Variants in EPHA6 observed in about 807,000 individuals in gnomAD.
EPHA6 encodes ephrin type-A receptor 6.
EPHA6 carries 50 observed loss-of-function variants against 112.0 expected under a neutral mutation model. The observed-to-expected ratio is 0.45, with a 90% CI of 0.36 to 0.56. The LOEUF (loss-of-function observed/expected upper bound fraction) is 0.56, where lower values mean the gene tolerates loss of function less well. EPHA6 is among the 20% of genes least tolerant of loss of function. The pLI, the probability that EPHA6 is intolerant of heterozygous loss-of-function variation, is 0.00. For synonymous variants in EPHA6, 529 were observed against 490.7 expected, an observed-to-expected ratio of 1.08 and a Z score of -1.03; for missense variants, 1,280 against 1,417.4, an observed-to-expected ratio of 0.90 and a Z score of 1.56.
chr3:97,095,550 A>G (rs2047211102), intron 3 of EPHA6, among the ~76,000 whole-genome samples: 1 of 152,000 alleles, frequency 6.6e-6, no homozygotes, highest in African/African-American at 2.4e-5. Context: ...CCATTATTCA[A>G]ACACTCATCA....
intron 7 of EPHA6, among the ~76,000 whole-genome samples, chr3:97,449,321 A>T (rs535984427): frequency 6.6e-6 from 1 of 152,216 alleles, no homozygotes; most frequent in East Asian, 1.9e-4. Context: ...TTTACCAATG[A>T]ACTCTTTTTG....
chr3:97,583,763 C>T lies in EPHA6; in HGVS notation c.2387-8849C>T, dbSNP rs139218444. 6.9e-3 allele frequency among the ~76,000 whole-genome samples: 1,044 copies of T among 152,202 alleles called. 5 individuals carry two copies. Among genetic ancestry groups the T allele is most frequent in the African/African-American group, 0.023 (959 of 41,542 alleles). The stretch of plus-strand genomic sequence containing the variant: ...TGTCAATCAAAATCCCAGCAAGTTA[C>T]TTTGTGGATATCAACAAACTGACTA... On this transcript the variant is annotated intron_variant, in intron 11 of 17. Coordinates refer to ENST00000389672, the MANE Select transcript of EPHA6 (RefSeq NM_001080448.3).
At chr3:97,231,947 A>T (rs1253817042) in intron 4 of EPHA6, among the ~76,000 whole-genome samples, 1 of 152,156 alleles carries the variant, frequency 6.6e-6, no homozygotes, top group Non-Finnish European at 1.5e-5. Flanking sequence ...AAACAAATAA[A>T]GAAACTTCAG....
intron 5 of EPHA6, among the ~76,000 whole-genome samples, chr3:97,365,073 C>T (rs552018724): frequency 2.6e-5 from 4 of 152,086 alleles, no homozygotes; most frequent in Non-Finnish European, 5.9e-5. Context: ...ACTTGATATA[C>T]AGAATGCAAT....
intron 5 of EPHA6, among the ~76,000 whole-genome samples, chr3:97,403,025 T>TA (rs1335124406): frequency 6.6e-6 from 1 of 152,120 alleles, no homozygotes; most frequent in Admixed American, 6.6e-5. Flanking sequence ...ATTGGAAAGA[T>TA]ATAATGAGTT....
intron 14 of EPHA6, among the ~76,000 whole-genome samples, chr3:97,672,668 G>A (rs1463931848): frequency 1.3e-5 from 2 of 152,090 alleles, no homozygotes; most frequent in African/African-American, 2.4e-5. Flanking sequence ...GAAAAAAAGA[G>A]AGAAGGGAGA....
rs1034683864 is a variant in EPHA6, at chr3:97,654,836, A to G, written c.2784+16754A>G. On this transcript the variant is annotated intron_variant, in intron 14 of 17. Coordinates refer to ENST00000389672, the MANE Select transcript of EPHA6 (RefSeq NM_001080448.3). ...TGGAAAAGAGTAGAAATTATATTCT[A>G]TCTACAAAAGGAAGCCACTGGAAAA... Among the ~76,000 whole-genome samples, 8 of 151,918 alleles carry G rather than the reference A, an allele frequency of 5.3e-5. No individual in the cohort carries two copies. In the East Asian group the frequency reaches 1.2e-3, roughly 22 times the overall value.
At chr3:97,721,387 T>C (rs1162706113) in intron 15 of EPHA6, among the ~76,000 whole-genome samples, 1 of 152,200 alleles carries the variant, frequency 6.6e-6, no homozygotes, top group East Asian at 1.9e-4. Context: ...CCTTTTCTAA[T>C]GTCAGGCATA....
intron 6 of EPHA6, among the ~76,000 whole-genome samples, chr3:97,434,230 C>T (rs978365196): frequency 6.6e-6 from 1 of 152,094 alleles, no homozygotes; most frequent in South Asian, 2.1e-4. Context: ...AGCTAGACTT[C>T]CTAGGTTCAA....
intron 15 of EPHA6, among the ~76,000 whole-genome samples, chr3:97,723,748 C>T (rs1271374783): frequency 6.6e-6 from 1 of 152,076 alleles, no homozygotes; most frequent in Non-Finnish European, 1.5e-5. Context: ...CAATTCAAGA[C>T]TACAGGAAAA....
intron 3 of EPHA6, among the ~76,000 whole-genome samples, chr3:96,997,681 A>T (rs545827548): frequency 6.6e-6 from 1 of 152,170 alleles, no homozygotes; most frequent in East Asian, 1.9e-4. Context: ...AAAGTAACAT[A>T]AAAAATCATT....
chr3:96,871,903 G>A (rs925102315), intron 2 of EPHA6, among the ~76,000 whole-genome samples: 1 of 152,048 alleles, frequency 6.6e-6, no homozygotes, highest in African/African-American at 2.4e-5. Context: ...TGAGATTTCA[G>A]TGTGGTAACG....
intron 3 of EPHA6, among the ~76,000 whole-genome samples, chr3:96,996,376 A>G (rs2043423323): frequency 1.3e-5 from 2 of 152,070 alleles, no homozygotes; most frequent in African/African-American, 2.4e-5. Flanking sequence ...TCTTAATGGT[A>G]TCTAGAGTGT....
intron 3 of EPHA6, among the ~76,000 whole-genome samples, chr3:97,095,812 C>T (rs2047219637): frequency 1.3e-5 from 2 of 151,872 alleles, no homozygotes; most frequent in African/African-American, 4.8e-5. Context: ...TGAATTCCAT[C>T]CTGGAGTTTT....
chr3:97,326,650 G>A (rs765959100), intron 5 of EPHA6, among the ~76,000 whole-genome samples: 27 of 152,008 alleles, frequency 1.8e-4, no homozygotes, highest in Non-Finnish European at 3.5e-4. Context: ...AGAAGTTTCA[G>A]CGTTTTAGGT....
At chr3:97,200,843 A>G (rs1270377567) in intron 3 of EPHA6, among the ~76,000 whole-genome samples, 2 of 152,160 alleles carry the variant, frequency 1.3e-5, no homozygotes, top group East Asian at 1.9e-4. Flanking sequence ...TACAAGGCCA[A>G]TGTGGACATA....
intron 14 of EPHA6, among the ~76,000 whole-genome samples, chr3:97,688,661 A>C (rs2032434164): frequency 6.6e-6 from 1 of 151,762 alleles, no homozygotes; most frequent in Non-Finnish European, 1.5e-5. Flanking sequence ...CCAACATGGC[A>C]CATGTATACA....
In EPHA6 at chr3:97,357,951, G is replaced by T. The variant is rs547147276; in HGVS notation, c.1607-47199G>T. 5.3e-5 allele frequency among the ~76,000 whole-genome samples: 8 copies of T among 152,206 alleles called. No homozygotes were observed. In the South Asian group the frequency reaches 1.7e-3, roughly 32 times the overall value. ...TGAGGAGAAGAAAGAAGAGGGGATGGTCTTGCTGTCTTAGGCATGGCAGAT... is the reference window on the plus strand; with the variant it reads ...TGAGGAGAAGAAAGAAGAGGGGATGTTCTTGCTGTCTTAGGCATGGCAGAT... On this transcript the variant is annotated intron_variant, in intron 5 of 17. Coordinates refer to ENST00000389672, the MANE Select transcript of EPHA6 (RefSeq NM_001080448.3).
chr3:97,028,385 TAGG>T (rs1334724614), intron 3 of EPHA6, among the ~76,000 whole-genome samples: 6 of 152,132 alleles, frequency 3.9e-5, no homozygotes, highest in African/African-American at 1.4e-4. Flanking sequence ...GCTGTAATAA[TAGG>T]AGCTCAATAA....
Sources: allele counts gnomAD v4.1 joint callset (sites outside exome capture counted in the v4.1 genomes callset), GRCh38; gene constraint gnomAD v4.1.1; transcripts MANE v1.5; gene names NCBI Gene and HGNC (gene_info 2026-07-23, HGNC 2026-07-21).